Variants in PABPC4L observed in about 807,000 individuals in gnomAD.
PABPC4L encodes polyadenylate-binding protein 4-like.
For synonymous variants in PABPC4L, 169 were observed against 164.1 expected (o/e 1.03, Z -0.23); for missense variants, 452 against 451.4 (o/e 1.00, Z -0.01).
chr4:134,126,806 G>A, the PABPC4L span, among the ~76,000 whole-genome samples: 1 of 152,134 alleles, frequency 6.6e-6, no homozygotes, highest in Non-Finnish European at 1.5e-5. Flanking sequence ...GATTTCCACT[G>A]CAGGCTCTGT....
chr4:134,030,073 A>G, the PABPC4L span, among the ~76,000 whole-genome samples: 1 of 151,986 alleles, frequency 6.6e-6, no homozygotes, highest in Non-Finnish European at 1.5e-5. Flanking sequence ...GGCCTCCCCA[A>G]CCCTGTGAAA....
chr4:134,101,276 T>A, the PABPC4L span, among the ~76,000 whole-genome samples: 1 of 151,594 alleles, frequency 6.6e-6, no homozygotes, highest in African/African-American at 2.4e-5. Context: ...TATCAGTATT[T>A]GCATTTTGAA....
chr4:133,961,649 A>C, the PABPC4L span, among the ~76,000 whole-genome samples: 2 of 152,104 alleles, frequency 1.3e-5, no homozygotes, highest in African/African-American at 4.8e-5. Context: ...CACTTTATTA[A>C]ATCTTGCAAC....
At chr4:134,036,872 A>G in the PABPC4L span, among the ~76,000 whole-genome samples, 3 of 152,054 alleles carry the variant, frequency 2.0e-5, no homozygotes, top group African/African-American at 7.2e-5. Flanking sequence ...CCTGGCCAAC[A>G]TGGTGAAACA....
At chr4:134,150,685 C>T in the PABPC4L span, among the ~76,000 whole-genome samples, 1 of 152,102 alleles carries the variant, frequency 6.6e-6, no homozygotes, top group Non-Finnish European at 1.5e-5. Context: ...AGATTTTCCA[C>T]GTTCCAATCC....
chr4:134,083,991 C>A, the PABPC4L span, among the ~76,000 whole-genome samples: 1 of 151,856 alleles, frequency 6.6e-6, no homozygotes, highest in African/African-American at 2.4e-5. Context: ...ATTTAAATGG[C>A]TTTTATTTTG....
chr4:134,112,608 ATCTATCTATATATC>A, the PABPC4L span, among the ~76,000 whole-genome samples: 1 of 150,450 alleles, frequency 6.6e-6, no homozygotes, highest in African/African-American at 2.5e-5. Context: ...CTATCTATCT[ATCTATCTATATATC>A]TATCTATATA....
the PABPC4L span, among the ~76,000 whole-genome samples, chr4:133,969,721 G>A: frequency 2.0e-5 from 3 of 152,102 alleles, no homozygotes; most frequent in Admixed American, 1.3e-4. Flanking sequence ...GAAGAAAAAA[G>A]GGCTGCTGAG....
the PABPC4L span, among the ~76,000 whole-genome samples, chr4:134,024,270 T>G: frequency 2.6e-5 from 4 of 152,142 alleles, no homozygotes; most frequent in African/African-American, 4.8e-5. Context: ...AAAACTCTCC[T>G]GTGTATAGAA....
the PABPC4L span, among the ~76,000 whole-genome samples, chr4:134,036,242 T>G: frequency 6.6e-6 from 1 of 152,158 alleles, no homozygotes. Flanking sequence ...ACTGCATTCT[T>G]GAGGAATCTG....
the PABPC4L span, among the ~76,000 whole-genome samples, chr4:134,098,220 A>ATAG: frequency 6.6e-6 from 1 of 151,892 alleles, no homozygotes; most frequent in South Asian, 2.1e-4. Flanking sequence ...ATGCATGGAC[A>ATAG]TAGCGCTAGC....
chr4:134,078,475 G>C, the PABPC4L span, among the ~76,000 whole-genome samples: 1 of 151,958 alleles, frequency 6.6e-6, no homozygotes, highest in Non-Finnish European at 1.5e-5. Flanking sequence ...AACAAAAAAC[G>C]AAAGAAAGAA....
At chr4:134,041,086 G>A in the PABPC4L span, among the ~76,000 whole-genome samples, 1 of 152,154 alleles carries the variant, frequency 6.6e-6, no homozygotes, top group Admixed American at 6.5e-5. Context: ...AGATGCTGGA[G>A]AGGATGTGGA....
the PABPC4L span, among the ~76,000 whole-genome samples, chr4:134,008,391 A>T: frequency 9.9e-5 from 15 of 151,916 alleles, no homozygotes; most frequent in South Asian, 3.1e-3. Flanking sequence ...GGAAAATTTG[A>T]TTGTTGTTTT....
the PABPC4L span, among the ~76,000 whole-genome samples, chr4:133,996,394 T>C: frequency 6.6e-6 from 1 of 152,174 alleles, no homozygotes; most frequent in African/African-American, 2.4e-5. Flanking sequence ...GAAACAATAG[T>C]CTGCATTAAG....
At chr4:134,133,078 ATAT>A in the PABPC4L span, among the ~76,000 whole-genome samples, 2 of 134,350 alleles carry the variant, frequency 1.5e-5, no homozygotes, top group East Asian at 2.1e-4. Context: ...AATTTATCAC[ATAT>A]TATATAATTA....
chr4:134,068,917 C>T, the PABPC4L span, among the ~76,000 whole-genome samples: 1 of 152,012 alleles, frequency 6.6e-6, no homozygotes, highest in African/African-American at 2.4e-5. Flanking sequence ...ACCATTTTGG[C>T]CAGGCTGGTC....
At chr4:134,156,056 T>C in the PABPC4L span, among the ~76,000 whole-genome samples, 1 of 151,952 alleles carries the variant, frequency 6.6e-6, no homozygotes, top group Non-Finnish European at 1.5e-5. Context: ...TTAAGTAACA[T>C]TTGTAAAGTG....
chr4:133,991,909 G>C, the PABPC4L span, among the ~76,000 whole-genome samples: 1 of 152,270 alleles, frequency 6.6e-6, no homozygotes, highest in South Asian at 2.1e-4. Flanking sequence ...TGGAAATATT[G>C]GTTCCCATAA....
Sources: allele counts gnomAD v4.1 joint callset (sites outside exome capture counted in the v4.1 genomes callset), GRCh38; gene constraint gnomAD v4.1.1; transcripts MANE v1.5; gene names NCBI Gene and HGNC (gene_info 2026-07-23, HGNC 2026-07-21).